Variants in CYP2R1 observed in about 807,000 individuals in gnomAD.
CYP2R1 encodes vitamin D 25-hydroxylase.
A neutral mutation model predicts 45.7 loss-of-function variants in CYP2R1; 40 were observed. The ratio of observed to expected loss-of-function variants is 0.87; its 90% CI spans 0.68 to 1.14. CYP2R1 has a LOEUF of 1.14. CYP2R1 is among the 50% of genes most tolerant of loss of function. The probability of loss-of-function intolerance (pLI) is 0.00; values close to 1 mark genes in which losing one functional copy is unlikely to be tolerated. For synonymous variants in CYP2R1, 234 were observed against 219.3 expected, an observed-to-expected ratio of 1.07 and a Z score of -0.59; for missense variants, 605 against 602.6, an observed-to-expected ratio of 1.00 and a Z score of -0.04.
chr11:14,880,808 T>C (rs541750263), intron 2 of CYP2R1, 40 bp from the exon 3 acceptor site: 568 of 1,550,794 alleles, frequency 3.7e-4, no homozygotes, highest in Non-Finnish European at 2.5e-4. Context: ...TTCCTACTTC[T>C]CTGTATCTAA....
rs782235422 is a variant in CYP2R1, at chr11:14,879,157, A to G, written c.1287T>C (p.Ser429=). The G allele has an allele frequency of 6.2e-7, 1 of 1,613,174 alleles. No individual in the cohort carries two copies. Among genetic ancestry groups the G allele is most frequent in the Non-Finnish European group, 8.5e-7 (1 of 1,179,470 alleles). ...AAGCTTCCTTCTTGGCAAAATATCC[A>G]CTGCTGTCCAGAAATCGCTCAGGAT... ...VFHPERFLDS[S]GYFAKKEALV... is the part of the protein sequence containing the mutation. Residue 429 remains serine (S), a synonymous_variant, in exon 4 of 5, where the codon AGT becomes AGC. Coordinates refer to ENST00000334636, the MANE Select transcript of CYP2R1 (RefSeq NM_024514.5).
At chr11:14,890,360 G>T in intron 1 of CYP2R1, 1 of 454,656 alleles carries the variant, frequency 2.2e-6, no homozygotes, top group Non-Finnish European at 2.9e-6. Flanking sequence ...TATATTACAT[G>T]AAAATCATGG....
At position 14,879,100 on chromosome 11, in the gene CYP2R1, GA is replaced by G. The variant is rs1210296648; in HGVS notation, c.1330+13del. On this transcript the variant is annotated intron_variant, in intron 4 of 4. Coordinates refer to ENST00000334636, the MANE Select transcript of CYP2R1 (RefSeq NM_024514.5). Reference sequence around the variant, plus strand: ...CCTTTATTCTAAAGTTACGCCCCGTGAAAGTTCTCTTACCTAGGGAAAAAGG... The same window carrying G: ...CCTTTATTCTAAAGTTACGCCCCGTGAAGTTCTCTTACCTAGGGAAAAAGG... 3.1e-6 allele frequency: 5 copies of G among 1,606,222 alleles called. No individual in the cohort carries two copies. Among genetic ancestry groups the G allele is most frequent in the African/African-American group, 1.3e-5 (1 of 74,678 alleles).
intron 2 of CYP2R1, among the ~76,000 whole-genome samples, chr11:14,882,038 G>C (rs1848406551): frequency 6.6e-6 from 1 of 152,102 alleles, no homozygotes; most frequent in Non-Finnish European, 1.5e-5. Flanking sequence ...AAAAGTTACT[G>C]TAAGGGGGTC....
At chr11:14,889,814 A>G (rs1415785811) in intron 1 of CYP2R1, among the ~76,000 whole-genome samples, 2 of 152,200 alleles carry the variant, frequency 1.3e-5, no homozygotes, top group Non-Finnish European at 2.9e-5. Flanking sequence ...GAGGTCGAAC[A>G]AATGTGTTCT....
chr11:14,879,235 A>T lies in CYP2R1; in HGVS notation c.1209T>A (p.Asn403Lys). The change falls in exon 4 of 5, where the codon AAT (asparagine) becomes AAA (lysine). Residue 403 changes from asparagine to lysine, a missense_variant. Transcript: ENST00000334636. ...TTTCATCAAAGTGTACAGAATAAAG[A>T]TTTGTAATTACTGTTGTGCCTTTAG... ...SIPKGTTVITNLYSVHFDEKY... is the reference protein window; with the variant it reads ...SIPKGTTVITKLYSVHFDEKY... 1 of 1,613,320 alleles carries T rather than the reference A, an allele frequency of 6.2e-7. No homozygotes were observed. Among genetic ancestry groups the T allele is most frequent in the Non-Finnish European group, 8.5e-7 (1 of 1,179,532 alleles).
chr11:14,880,746 G>A lies in CYP2R1; in HGVS notation c.390C>T (p.Gly130=), dbSNP rs782576784. Residue 130 remains glycine, a synonymous_variant, in exon 3 of 5, where the codon GGC becomes GGT. Transcript: ENST00000334636. ...ATCGTCTGTGATCAACCCATCCTCG[G>A]CCATATCTGGAATTGAGTAAGCCTG... ...KMGGLLNSRY[G]RGWVDHRRLA... 7.5e-6 allele frequency: 12 copies of A among 1,607,732 alleles called. No individual in the cohort carries two copies. The highest frequency in any genetic ancestry group is 1.0e-5 in the Non-Finnish European group (12 of 1,178,054).
intron 1 of CYP2R1, 141 bp downstream of exon 1, chr11:14,891,840 G>A (rs1848870164): frequency 7.1e-7 from 1 of 1,417,576 alleles, no homozygotes. Flanking sequence ...CCGGGAAGCG[G>A]GTGTCCCTCA....
intron 2 of CYP2R1, among the ~76,000 whole-genome samples, chr11:14,884,790 CAAT>C (rs1848547974): frequency 6.6e-6 from 1 of 151,942 alleles, no homozygotes; most frequent in South Asian, 2.1e-4. Flanking sequence ...ACAGTCTAAA[CAAT>C]AAATTTACAG....
chr11:14,877,641 A>T lies in CYP2R1; in HGVS notation c.*481T>A, dbSNP rs1293429962. On this transcript the variant is annotated 3_prime_UTR_variant, in exon 5 of 5. Coordinates refer to ENST00000334636, the MANE Select transcript of CYP2R1 (RefSeq NM_024514.5). ...TTCTACCATCTCCCACCATATCTAA[A>T]ATACCTCTATAGTCCTAACTCATTT... 1 of 152,442 alleles carries T rather than the reference A, an allele frequency of 6.6e-6. No homozygotes were observed. The highest frequency in any genetic ancestry group is 1.9e-4 in the East Asian group (1 of 5,192). 9.4% of individuals were successfully genotyped at this position (152,442 alleles called of 1,614,324 possible).
At chr11:14,882,545 G>C (rs1290383603) in intron 2 of CYP2R1, among the ~76,000 whole-genome samples, 1 of 152,146 alleles carries the variant, frequency 6.6e-6, no homozygotes, top group Admixed American at 6.5e-5. Context: ...GCCTGGGCAT[G>C]ACACTGGGCT....
intron 1 of CYP2R1, chr11:14,890,335 A>G (rs1425089681): frequency 9.7e-6 from 3 of 310,840 alleles, no homozygotes; most frequent in Non-Finnish European, 9.4e-6. Context: ...GTACCAAGAT[A>G]CCAAAGAGAT....
chr11:14,885,927 G>C lies in CYP2R1; in HGVS notation c.226-10C>G. 6.2e-7 allele frequency: 1 copy of C among 1,612,614 alleles called. No individual in the cohort carries two copies. Among genetic ancestry groups the C allele is most frequent in the Non-Finnish European group, 8.5e-7 (1 of 1,178,968 alleles). ...GATCTAAACTGAAGATCTTTGAGAA[G>C]AGAAGAAAAACAACATTTAAATGAC... On this transcript the variant is annotated splice_polypyrimidine_tract_variant and intron_variant, in intron 1 of 4. Coordinates refer to ENST00000334636, the MANE Select transcript of CYP2R1 (RefSeq NM_024514.5).
chr11:14,879,391 A>G lies in CYP2R1; in HGVS notation c.1053T>C (p.Ser351=), dbSNP rs935507062. 10 of 1,608,828 alleles carry G rather than the reference A, an allele frequency of 6.2e-6. No individual in the cohort carries two copies. The highest frequency in any genetic ancestry group is 1.1e-5 in the South Asian group (1 of 91,056). ...DLIMGPNGKP[S]WDDKCKMPYT... is the part of the protein sequence containing the mutation. ...AAGGCATTTTGCATTTGTCGTCCCA[A>G]GAAGGCTTCCCATTAGGGCCCATAA... Residue 351 remains serine, a synonymous_variant, in exon 4 of 5, where the codon TCT becomes TCC. Transcript: ENST00000334636.
Position 14,880,355 on chromosome 11 carries a change from T to TGAGTCTGGAGAGAAAATCATAGACTA in CYP2R1, c.755_780dup (p.Ile261Ter), listed in dbSNP as rs1848329165. The TGAGTCTGGAGAGAAAATCATAGACTA allele has an allele frequency of 1.2e-6, 2 of 1,613,274 alleles. No homozygotes were observed. The highest frequency in any genetic ancestry group is 1.7e-5 in the Admixed American group (1 of 59,824). On this transcript the variant is annotated stop_gained and frameshift_variant, in exon 3 of 5. Transcript: ENST00000334636. LOFTEE classifies it high-confidence loss of function. ...TTTCTGTTGACTGAAGCTTTTTCAA[T>TGAGTCTGGAGAGAAAATCATAGACTA]GAGTCTGGAGAGAAAATCATAGACT...
rs369501032 is a variant in CYP2R1, at chr11:14,878,230, A to C, written c.1398T>G (p.Leu466=). The change falls in exon 5 of 5, where the codon CTT becomes CTG. Residue 466 remains leucine (L), a synonymous_variant. Coordinates refer to ENST00000334636, the MANE Select transcript of CYP2R1 (RefSeq NM_024514.5). ...GTGGAAAATGCAAATGAAACCTCTG[A>C]AGCAATGCTGTAAAAAACAAGAACA... ...MEMFLFFTAL[L]QRFHLHFPHE... is the part of the protein sequence containing the mutation. 2.1e-5 allele frequency: 34 copies of C among 1,613,180 alleles called. No individual in the cohort carries two copies. The highest frequency in any genetic ancestry group is 2.7e-5 in the Non-Finnish European group (32 of 1,179,538).
chr11:14,880,320 T>C lies in CYP2R1; in HGVS notation c.816A>G (p.Leu272=), dbSNP rs200127496. Residue 272 remains leucine (L), a synonymous_variant, in exon 3 of 5, where the codon CTA becomes CTG. Transcript: ENST00000334636. ...EKASVNRKPQ[L]PQHFVDAYLD... is the part of the protein sequence containing the mutation. ...AATAAGCATCAACAAAATGCTGAGGTAGCTGAGGCTTTCTGTTGACTGAAG... is the reference window on the plus strand; with the variant it reads ...AATAAGCATCAACAAAATGCTGAGGCAGCTGAGGCTTTCTGTTGACTGAAG... 12 of 1,613,310 alleles carry C rather than the reference T, an allele frequency of 7.4e-6. No individual in the cohort carries two copies. The East Asian group carries it at 2.5e-4, about 33-fold the overall frequency.
At position 14,892,020 on chromosome 11, in the gene CYP2R1, G is replaced by C. The variant is rs782434537; in HGVS notation, c.186C>G (p.Pro62=). The stretch of plus-strand genomic sequence containing the variant: ...GGCTCTGCTTTCTCATGTAGACATG[G>C]GGAAGCTCGGATGAGGCTGCCAGGG... ...IYSLAASSEL[P]HVYMRKQSQV... The change falls in exon 1 of 5, where the codon CCC becomes CCG. Residue 62 remains proline (P), a synonymous_variant. Coordinates refer to ENST00000334636, the MANE Select transcript of CYP2R1 (RefSeq NM_024514.5). The C allele has an allele frequency of 6.2e-7, 1 of 1,613,196 alleles. No individual in the cohort carries two copies.
At chr11:14,888,164 T>C (rs1179356232) in intron 1 of CYP2R1, among the ~76,000 whole-genome samples, 1 of 152,302 alleles carries the variant, frequency 6.6e-6, no homozygotes, top group East Asian at 1.9e-4. Context: ...CTTACCCTAA[T>C]TTAGTTTACT....
Sources: allele counts gnomAD v4.1 joint callset (sites outside exome capture counted in the v4.1 genomes callset), GRCh38; gene constraint gnomAD v4.1.1; transcripts MANE v1.5; gene names NCBI Gene and HGNC (gene_info 2026-07-23, HGNC 2026-07-21).